The following DLGAP2 variants were observed in gnomAD, a reference collection of about 807,000 sequenced individuals.
The protein encoded by DLGAP2 is disks large-associated protein 2.
A neutral mutation model predicts 100.3 loss-of-function variants in DLGAP2; 26 were observed. That is an observed-to-expected ratio of 0.26 (90% CI 0.19 to 0.36). The LOEUF (loss-of-function observed/expected upper bound fraction) is 0.36. Among genes scored for constraint, DLGAP2 ranks in the 10% least tolerant of loss-of-function variants. The pLI is 1.00. For missense variants in DLGAP2, 1,858 were observed against 1,453.2 expected, an observed-to-expected ratio of 1.28 and a Z score of -4.53; for synonymous variants, 886 against 630.1, an observed-to-expected ratio of 1.41 and a Z score of -6.08.
chr8:822,284 C>A (rs1463358188), intron 1 of DLGAP2: 1 of 399,122 alleles, frequency 2.5e-6, no homozygotes, highest in Non-Finnish European at 4.4e-6. Flanking sequence ...ATGGGTGCTC[C>A]ACCCGGGGAG....
At chr8:1,446,631 A>G (rs1159954520) in intron 3 of DLGAP2, among the ~76,000 whole-genome samples, 1 of 152,204 alleles carries the variant, frequency 6.6e-6, no homozygotes, top group African/African-American at 2.4e-5. Flanking sequence ...CTGTGAAGAA[A>G]GTCATTGGTA....
intron 2 of DLGAP2, among the ~76,000 whole-genome samples, chr8:1,224,250 G>A (rs975107285): frequency 6.6e-6 from 1 of 152,170 alleles, no homozygotes; most frequent in Admixed American, 6.5e-5. Context: ...GGGTCAGGAA[G>A]AGGGAATATC....
At chr8:1,176,063 A>G (rs1220624628) in intron 2 of DLGAP2, among the ~76,000 whole-genome samples, 1 of 152,222 alleles carries the variant, frequency 6.6e-6, no homozygotes, top group African/African-American at 2.4e-5. Context: ...GCATAAAAAT[A>G]CTACCTGAAA....
intron 4 of DLGAP2, 60 bp from the exon 5 acceptor site, chr8:1,548,566 C>T (rs1801630805): frequency 3.5e-6 from 5 of 1,414,344 alleles, no homozygotes; most frequent in East Asian, 2.6e-5. Context: ...ACATATTCCC[C>T]GCACCTGAGG....
chr8:1,231,654 A>G (rs1271095952), intron 2 of DLGAP2, among the ~76,000 whole-genome samples: 1 of 152,224 alleles, frequency 6.6e-6, no homozygotes, highest in African/African-American at 2.4e-5. Context: ...ATAGCCATAA[A>G]AAGAATGAAA....
chr8:1,662,839 A>G (rs1352805123), intron 8 of DLGAP2, among the ~76,000 whole-genome samples: 38 of 126,622 alleles, frequency 3.0e-4, no homozygotes, highest in South Asian at 5.5e-4. Flanking sequence ...GAGTGTGGGG[A>G]ATGTGTGCCT....
rs867510525 is a variant in DLGAP2, at chr8:777,697, G to C, written c.18+39872G>C. ...ATTGGCCCCCACTCTCTTCTGGCTT[G>C]TAGGGTTTCTGCCGAGAGATCCGCT... is the stretch of plus-strand genomic sequence containing the variant. On this transcript the variant is annotated intron_variant, in intron 1 of 14. Coordinates refer to ENST00000637795, the MANE Select transcript of DLGAP2 (RefSeq NM_001346810.2). Among the ~76,000 whole-genome samples the C allele has an allele frequency of 1.8e-3, 272 of 152,274 alleles. 2 individuals are homozygous for C. The highest frequency in any genetic ancestry group is 6.4e-3 in the African/African-American group (266 of 41,554).
chr8:778,453 T>C (rs922672042), intron 1 of DLGAP2, among the ~76,000 whole-genome samples: 2 of 152,238 alleles, frequency 1.3e-5, no homozygotes, highest in African/African-American at 4.8e-5. Flanking sequence ...TTTTCTCTTC[T>C]GTTTTTTCCC....
At chr8:953,229 C>T (rs750666040) in intron 2 of DLGAP2, among the ~76,000 whole-genome samples, 5 of 151,880 alleles carry the variant, frequency 3.3e-5, no homozygotes, top group African/African-American at 7.3e-5. Flanking sequence ...GAGTTTCGCT[C>T]CATTGCCCAG....
intron 2 of DLGAP2, among the ~76,000 whole-genome samples, chr8:1,103,033 T>C (rs1242473320): frequency 6.6e-6 from 1 of 151,690 alleles, no homozygotes; most frequent in African/African-American, 2.4e-5. Flanking sequence ...TCTCTGTGGT[T>C]CCCTATGAGT....
intron 1 of DLGAP2, among the ~76,000 whole-genome samples, chr8:779,244 C>T (rs1029913092): frequency 2.0e-5 from 3 of 152,202 alleles, no homozygotes; most frequent in African/African-American, 7.2e-5. Context: ...ACTCTCTGGC[C>T]CTCCCTAGTG....
At chr8:1,522,210 C>G (rs1037167226) in intron 4 of DLGAP2, among the ~76,000 whole-genome samples, 1 of 152,190 alleles carries the variant, frequency 6.6e-6, no homozygotes, top group Non-Finnish European at 1.5e-5. Context: ...TCAGACCTTT[C>G]GCCCATTTTT....
intron 1 of DLGAP2, among the ~76,000 whole-genome samples, chr8:743,955 A>G (rs968590843): frequency 6.6e-6 from 1 of 152,218 alleles, no homozygotes; most frequent in African/African-American, 2.4e-5. Context: ...GAAGACGTGG[A>G]TTCACGTCGT....
At chr8:1,465,105 G>C (rs985103482) in intron 3 of DLGAP2, among the ~76,000 whole-genome samples, 2 of 152,222 alleles carry the variant, frequency 1.3e-5, no homozygotes, top group Admixed American at 6.5e-5. Context: ...CACCTGGCGG[G>C]AACCTCAGGT....
chr8:806,633 G>A (rs1266851236), intron 1 of DLGAP2, among the ~76,000 whole-genome samples: 1 of 152,164 alleles, frequency 6.6e-6, no homozygotes, highest in Non-Finnish European at 1.5e-5. Flanking sequence ...TGGGGTCCCT[G>A]CTGACCCCTT....
intron 2 of DLGAP2, among the ~76,000 whole-genome samples, chr8:1,019,947 C>T (rs1027708565): frequency 1.3e-5 from 2 of 152,118 alleles, no homozygotes; most frequent in African/African-American, 4.8e-5. Context: ...AAAGTTGTTT[C>T]CCCAGCAGCA....
chr8:1,458,069 AT>A (rs1359580451), intron 3 of DLGAP2, among the ~76,000 whole-genome samples: 3 of 128,320 alleles, frequency 2.3e-5, no homozygotes, highest in African/African-American at 5.8e-5. Flanking sequence ...TATGTATATA[AT>A]TTTTTGTATG....
intron 8 of DLGAP2, among the ~76,000 whole-genome samples, chr8:1,662,737 C>A (rs1296029810): frequency 1.3e-5 from 2 of 152,236 alleles, no homozygotes; most frequent in African/African-American, 4.8e-5. Context: ...CAAAGTATAA[C>A]GTGCTCCACA....
intron 2 of DLGAP2, among the ~76,000 whole-genome samples, chr8:1,159,394 T>C (rs1011864646): frequency 6.6e-6 from 1 of 152,232 alleles, no homozygotes; most frequent in East Asian, 1.9e-4. Flanking sequence ...ATTTATTCTG[T>C]GGGATCAAAA....
Sources: gnomAD v4.1 joint callset for allele counts (sites outside exome capture counted in the v4.1 genomes callset) on GRCh38, gnomAD v4.1.1 for gene constraint, MANE v1.5 for transcripts, NCBI Gene and HGNC (gene_info 2026-07-23, HGNC 2026-07-21) for gene names.